Variants in DPP6 observed in about 807,000 individuals in gnomAD.
DPP6 encodes A-type potassium channel modulatory protein DPP6.
A neutral mutation model predicts 122.6 loss-of-function variants in DPP6; 69 were observed. The observed-to-expected ratio is 0.56, with a 90% CI of 0.46 to 0.69. The LOEUF (loss-of-function observed/expected upper bound fraction) is 0.69. DPP6 is among the 30% of genes least tolerant of loss of function. DPP6 has a pLI of 0.00. For missense variants in DPP6, 928 were observed against 1,116.9 expected (o/e 0.83, Z 2.41); for synonymous variants, 418 against 433.1 (o/e 0.97, Z 0.43).
chr7:154,523,167 T>C (rs1827136579), intron 3 of DPP6, among the ~76,000 whole-genome samples: 2 of 152,202 alleles, frequency 1.3e-5, no homozygotes, highest in African/African-American at 4.8e-5. Context: ...ATATTTTAAA[T>C]ATTTTCTTGA....
chr7:154,150,618 A>T (rs1796363508), intron 1 of DPP6, among the ~76,000 whole-genome samples: 1 of 152,170 alleles, frequency 6.6e-6, no homozygotes, highest in African/African-American at 2.4e-5. Context: ...CACGAGGGAG[A>T]AGAGAGAATT....
At chr7:154,156,776 G>A (rs1337160151) in intron 1 of DPP6, among the ~76,000 whole-genome samples, 2 of 152,126 alleles carry the variant, frequency 1.3e-5, no homozygotes, top group Non-Finnish European at 1.5e-5. Flanking sequence ...TAGGTAGGTA[G>A]GTAGGTAGGT....
At chr7:154,383,698 T>C (rs1813829790) in intron 1 of DPP6, among the ~76,000 whole-genome samples, 1 of 152,068 alleles carries the variant, frequency 6.6e-6, no homozygotes, top group Non-Finnish European at 1.5e-5. Context: ...GAGACCAGCC[T>C]GGCCAACATG....
intron 1 of DPP6, among the ~76,000 whole-genome samples, chr7:154,213,862 G>C (rs1370166361): frequency 6.6e-6 from 1 of 152,186 alleles, no homozygotes; most frequent in African/African-American, 2.4e-5. Flanking sequence ...GGAGACCCTG[G>C]AAAAGCAGGG....
chr7:153,803,168 T>G, the DPP6 span, among the ~76,000 whole-genome samples: 1 of 151,326 alleles, frequency 6.6e-6, no homozygotes, highest in Non-Finnish European at 1.5e-5. Context: ...CCCAATGTTC[T>G]TCTACGATGC....
At chr7:154,832,576 A>C (rs1323802204) in intron 16 of DPP6, among the ~76,000 whole-genome samples, 1 of 152,192 alleles carries the variant, frequency 6.6e-6, no homozygotes, top group Non-Finnish European at 1.5e-5. Flanking sequence ...GCGAGGGCAC[A>C]CAGCTGATCA....
upstream of DPP6, among the ~76,000 whole-genome samples, chr7:153,884,987 A>AATACATACAT (rs1209555021): frequency 9.4e-5 from 11 of 116,466 alleles, no homozygotes; most frequent in East Asian, 8.3e-4. Context: ...TCAAAACAAA[A>AATACATACAT]ATATATATAT....
At chr7:153,774,047 G>A in the DPP6 span, among the ~76,000 whole-genome samples, 11 of 151,912 alleles carry the variant, frequency 7.2e-5, no homozygotes, top group Admixed American at 5.3e-4. Context: ...GCTTATAAAA[G>A]GCATAACTAC....
intron 5 of DPP6, among the ~76,000 whole-genome samples, chr7:154,581,200 G>A (rs975724027): frequency 3.3e-5 from 5 of 152,136 alleles, no homozygotes; most frequent in Non-Finnish European, 5.9e-5. Context: ...AAAGAGCCGC[G>A]GATACAAGCG....
At chr7:154,643,554 C>T (rs1051601614) in intron 6 of DPP6, among the ~76,000 whole-genome samples, 3 of 150,826 alleles carry the variant, frequency 2.0e-5, no homozygotes, top group East Asian at 2.0e-4. Flanking sequence ...CTGCAACCTC[C>T]GCCCCCCAGG....
At chr7:154,194,609 T>C (rs961991293) in intron 1 of DPP6, among the ~76,000 whole-genome samples, 2 of 152,206 alleles carry the variant, frequency 1.3e-5, no homozygotes, top group Non-Finnish European at 2.9e-5. Flanking sequence ...CCTAGAACGA[T>C]ACATAAATGG....
the DPP6 span, among the ~76,000 whole-genome samples, chr7:153,804,476 G>A: frequency 1.7e-3 from 258 of 152,138 alleles, 1 homozygote; most frequent in South Asian, 0.01. Flanking sequence ...AAACCCTATC[G>A]TCAGGGAAAG....
At chr7:154,867,501 C>A (rs1803986797) in intron 17 of DPP6, among the ~76,000 whole-genome samples, 1 of 152,186 alleles carries the variant, frequency 6.6e-6, no homozygotes. Context: ...TCTCCAGAGA[C>A]CAGCTTATCT....
chr7:154,883,892 CA>C (rs1805763790), intron 21 of DPP6: 1 of 113,500 alleles, frequency 8.8e-6, no homozygotes, highest in African/African-American at 3.8e-5. Flanking sequence ...TACATGCTCA[CA>C]CACATTACAT....
intron 3 of DPP6, among the ~76,000 whole-genome samples, chr7:154,495,232 C>T (rs965737521): frequency 6.6e-5 from 10 of 152,036 alleles, no homozygotes; most frequent in African/African-American, 2.4e-4. Flanking sequence ...GAAGACAGAC[C>T]CTCAGGGCGT....
chr7:153,959,648 T>A (rs1395157273), intron 1 of DPP6, among the ~76,000 whole-genome samples: 1 of 152,262 alleles, frequency 6.6e-6, no homozygotes, highest in African/African-American at 2.4e-5. Flanking sequence ...TAGAATTGAA[T>A]TGAAGAGAGG....
Position 154,063,118 on chromosome 7 carries a change from G to T in DPP6, c.243+10055G>T, listed in dbSNP as rs554343094. On this transcript the variant is annotated intron_variant, in intron 1 of 25. Coordinates refer to ENST00000377770, the MANE Select transcript of DPP6 (RefSeq NM_130797.4). ...TGGCTGTTAGTACCCCCATCGCAGG[G>T]GGGGAGGCACCCCCCACGAGAGTGG... Among the ~76,000 whole-genome samples the T allele has an allele frequency of 5.8e-4, 70 of 119,670 alleles. 1 individual carries two copies. The highest frequency in any genetic ancestry group is 1.7e-3 in the African/African-American group (57 of 33,088). The allele number at this position is 119,670 out of a possible 152,430, so 78.5% of individuals were successfully genotyped here. A position where few individuals can be genotyped will look rare whatever the true frequency, so the allele number is the denominator to read the frequency against.
intron 5 of DPP6, among the ~76,000 whole-genome samples, chr7:154,592,141 G>A (rs1213257621): frequency 6.6e-6 from 1 of 152,208 alleles, no homozygotes; most frequent in Non-Finnish European, 1.5e-5. Flanking sequence ...GACAGGATCT[G>A]CTGTTATCCC....
chr7:154,159,108 C>T (rs574533166), intron 1 of DPP6, among the ~76,000 whole-genome samples: 2 of 152,222 alleles, frequency 1.3e-5, no homozygotes, highest in East Asian at 3.9e-4. Flanking sequence ...TCAGAATACG[C>T]CTTATTCAGA....
Sources: gnomAD v4.1 joint callset for allele counts (sites outside exome capture counted in the v4.1 genomes callset) on GRCh38, gnomAD v4.1.1 for gene constraint, MANE v1.5 for transcripts, NCBI Gene and HGNC (gene_info 2026-07-23, HGNC 2026-07-21) for gene names.